Variants in PRKCE observed in about 807,000 individuals in gnomAD.
The protein encoded by PRKCE is protein kinase C epsilon type.
PRKCE carries 16 observed loss-of-function variants against 85.4 expected under a neutral mutation model. The observed-to-expected ratio is 0.19, with a 90% confidence interval of 0.13 to 0.28. The LOEUF is 0.28. Among genes scored for constraint, PRKCE ranks in the 10% least tolerant of loss-of-function variants. The pLI is 1.00. For missense variants in PRKCE, 573 were observed against 975.2 expected (o/e 0.59, Z 5.49); for synonymous variants, 388 against 371.5 (o/e 1.04, Z -0.51).
At chr2:45,960,287 C>T (rs1175250517) in intron 2 of PRKCE, among the ~76,000 whole-genome samples, 3 of 152,166 alleles carry the variant, frequency 2.0e-5, no homozygotes, top group East Asian at 1.9e-4. Context: ...TTCTTAGTGC[C>T]GGTTTCCTCA....
At chr2:45,713,006 C>T (rs922236971) in intron 1 of PRKCE, among the ~76,000 whole-genome samples, 7 of 152,172 alleles carry the variant, frequency 4.6e-5, no homozygotes, top group Admixed American at 6.5e-5. Flanking sequence ...ATCTGTAATG[C>T]GCATCATGAT....
rs1684218270 is a variant in PRKCE at position 45,758,918 on chromosome 2, T to G, written c.349-84082T>G. ...ATTGCAGCCTGAAGGTGATGTGAAT[T>G]TGTGGGGAGTCCGGCGTGTTGTCTT... On this transcript the variant is annotated intron_variant, in intron 1 of 14. Transcript: ENST00000306156. 2.0e-5 allele frequency among the ~76,000 whole-genome samples: 3 copies of G among 152,106 alleles called. No homozygotes were observed. In the South Asian group the frequency reaches 6.2e-4, roughly 32 times the overall value.
chr2:46,098,579 G>T (rs1252235964), intron 11 of PRKCE, among the ~76,000 whole-genome samples: 1 of 152,152 alleles, frequency 6.6e-6, no homozygotes, highest in Non-Finnish European at 1.5e-5. Context: ...CCAAACAAGG[G>T]CTAATTTGAG....
At chr2:45,860,019 C>G (rs1217219575) in intron 2 of PRKCE, among the ~76,000 whole-genome samples, 1 of 152,136 alleles carries the variant, frequency 6.6e-6, no homozygotes, top group African/African-American at 2.4e-5. Context: ...TTTTTTGTTA[C>G]TGGAGCTGCT....
intron 2 of PRKCE, among the ~76,000 whole-genome samples, chr2:45,868,762 C>A (rs1693833782): frequency 6.7e-6 from 1 of 149,320 alleles, no homozygotes; most frequent in Non-Finnish European, 1.5e-5. Context: ...CATGGGGAAA[C>A]CCCATCTCTA....
intron 2 of PRKCE, among the ~76,000 whole-genome samples, chr2:45,950,757 T>C (rs1558875780): frequency 2.0e-5 from 3 of 152,082 alleles, no homozygotes; most frequent in Non-Finnish European, 4.4e-5. Context: ...GCCAAGTGTC[T>C]GTTGTTCACA....
At chr2:45,860,377 G>A (rs917881208) in intron 2 of PRKCE, among the ~76,000 whole-genome samples, 3 of 152,170 alleles carry the variant, frequency 2.0e-5, no homozygotes, top group African/African-American at 7.2e-5. Flanking sequence ...GAGGATGGGT[G>A]GAGTCAGAGG....
At chr2:45,813,162 C>G (rs1688772784) in intron 1 of PRKCE, among the ~76,000 whole-genome samples, 1 of 152,168 alleles carries the variant, frequency 6.6e-6, no homozygotes, top group Non-Finnish European at 1.5e-5. Flanking sequence ...ATCCAGTGCG[C>G]TAATCACCAG....
At chr2:45,863,586 C>G (rs930405601) in intron 2 of PRKCE, among the ~76,000 whole-genome samples, 2 of 152,000 alleles carry the variant, frequency 1.3e-5, no homozygotes, top group African/African-American at 4.8e-5. Flanking sequence ...TCCCTACTCT[C>G]AAGGAGTTCA....
At chr2:46,052,300 C>A (rs1558397145) in intron 10 of PRKCE, among the ~76,000 whole-genome samples, 1 of 152,096 alleles carries the variant, frequency 6.6e-6, no homozygotes, top group African/African-American at 2.4e-5. Flanking sequence ...TAGAGCAAGG[C>A]CACAGGAGAC....
At chr2:46,007,721 C>T in intron 9 of PRKCE, 60 bp downstream of exon 9, 2 of 1,522,396 alleles carry the variant, frequency 1.3e-6, no homozygotes, top group East Asian at 2.3e-5. Context: ...ATTGTTTCGT[C>T]TGTTTGATCT....
intron 11 of PRKCE, among the ~76,000 whole-genome samples, chr2:46,123,135 T>C (rs1454435852): frequency 5.9e-5 from 5 of 84,142 alleles, no homozygotes; most frequent in South Asian, 6.2e-4. Context: ...GAAAGTTGAC[T>C]GAAGTTCACT....
chr2:46,184,221 G>T lies in PRKCE; in HGVS notation c.2068-514G>T, dbSNP rs1418380886. 1.3e-5 allele frequency among the ~76,000 whole-genome samples: 2 copies of T among 152,138 alleles called. No homozygotes were observed. On this transcript the variant is annotated intron_variant, in intron 14 of 14. Transcript: ENST00000306156. The surrounding 1 kb of genome is among the most constrained non-coding windows in gnomAD (Gnocchi z 5.0). The stretch of plus-strand genomic sequence containing the variant: ...GAAAAAATACTGGAGCACAAAATTG[G>T]GTTCGTGGTGAGAGTAAGTGGAAAT...
intron 2 of PRKCE, among the ~76,000 whole-genome samples, chr2:45,928,565 C>T (rs1026522745): frequency 3.9e-5 from 6 of 152,214 alleles, no homozygotes; most frequent in African/African-American, 9.6e-5. Context: ...CCACTGTGCC[C>T]GGCCCATAAC....
intron 2 of PRKCE, among the ~76,000 whole-genome samples, chr2:45,865,037 T>C (rs979347680): frequency 5.3e-5 from 8 of 152,226 alleles, no homozygotes; most frequent in Non-Finnish European, 1.2e-4. Context: ...TTTGAGAAGC[T>C]CTGTTTTAGA....
rs188034687 is a variant in PRKCE at position 45,754,447 on chromosome 2, C to T, written c.349-88553C>T. 3.4e-3 allele frequency among the ~76,000 whole-genome samples: 516 copies of T among 152,272 alleles called. 3 individuals are homozygous for T. Among genetic ancestry groups the T allele is most frequent in the African/African-American group, 0.012 (487 of 41,550 alleles). On this transcript the variant is annotated intron_variant, in intron 1 of 14. Transcript: ENST00000306156. ...TGTTCTAAAGTGTTTGGGGTATGCA[C>T]TTTATTTATTCTCCGTGGGGTTTCT...
chr2:45,789,083 A>G (rs1458640405), intron 1 of PRKCE, among the ~76,000 whole-genome samples: 1 of 152,092 alleles, frequency 6.6e-6, no homozygotes, highest in Non-Finnish European at 1.5e-5. Flanking sequence ...ACCGCACTGA[A>G]GACTTGTGTC....
intron 2 of PRKCE, among the ~76,000 whole-genome samples, chr2:45,951,070 C>T (rs1459535962): frequency 6.6e-6 from 1 of 152,156 alleles, no homozygotes; most frequent in Non-Finnish European, 1.5e-5. Flanking sequence ...TGCTCGGTGC[C>T]CAAACCATCA....
chr2:46,067,059 A>G (rs994865589), intron 10 of PRKCE, among the ~76,000 whole-genome samples: 2 of 152,234 alleles, frequency 1.3e-5, no homozygotes, highest in African/African-American at 4.8e-5. Context: ...GATAAGGATC[A>G]TTTTAACCAG....
Sources: allele counts gnomAD v4.1 joint callset (sites outside exome capture counted in the v4.1 genomes callset), GRCh38; gene constraint gnomAD v4.1.1; non-coding constraint Gnocchi (gnomAD v3.1); transcripts MANE v1.5; gene names NCBI Gene and HGNC (gene_info 2026-07-23, HGNC 2026-07-21).